BOC: variants seen among roughly 807,000 people sequenced by gnomAD.
The protein encoded by BOC is BOC cell adhesion associated, oncogene regulated, also known as brother of CDO.
BOC carries 76 observed loss-of-function variants against 112.0 expected under a neutral mutation model. That is an observed-to-expected ratio of 0.68 (90% CI 0.56 to 0.82). BOC has a LOEUF of 0.82. Ranked by LOEUF, BOC falls within the 40% of genes least tolerant of loss-of-function variation. The pLI, the probability that BOC is intolerant of heterozygous loss-of-function variation, is 0.00. For synonymous variants in BOC, 580 were observed against 599.8 expected (o/e 0.97, Z 0.48); for missense variants, 1,309 against 1,511.7 (o/e 0.87, Z 2.22).
chr3:113,243,474 T>C (rs1419644155), intron 2 of BOC, among the ~76,000 whole-genome samples: 2 of 152,240 alleles, frequency 1.3e-5, no homozygotes, highest in African/African-American at 4.8e-5. Flanking sequence ...TATTAAAATA[T>C]GGTTTCATTT....
chr3:113,280,966 T>C, intron 14 of BOC, 65 bp from the exon 15 acceptor site: 1 of 1,589,036 alleles, frequency 6.3e-7, no homozygotes, highest in East Asian at 2.2e-5. Flanking sequence ...AGTCTGACTA[T>C]GAGATTGGGA....
At chr3:113,248,696 T>C (rs1237782041) in intron 2 of BOC, among the ~76,000 whole-genome samples, 4 of 152,228 alleles carry the variant, frequency 2.6e-5, no homozygotes, top group African/African-American at 9.6e-5. Flanking sequence ...TGTTAGAATA[T>C]ACACTTGCCC....
chr3:113,264,205 G>A (rs112857553), intron 4 of BOC, among the ~76,000 whole-genome samples: 3 of 152,338 alleles, frequency 2.0e-5, no homozygotes, highest in African/African-American at 7.2e-5. Flanking sequence ...TGGGAGCTGA[G>A]AAACAAAAGT....
intron 4 of BOC, 33 bp from the exon 5 acceptor site, chr3:113,268,266 T>G: frequency 1.2e-6 from 2 of 1,612,988 alleles, no homozygotes; most frequent in Non-Finnish European, 1.7e-6. Context: ...TGCTCTGCTG[T>G]CCTCCAACCA....
rs551687029 is a variant in BOC, at chr3:113,268,183, T to C, written c.377-116T>C. ...AGGAAGAACTCGGAGGATCCCCTGATATCCCCCTAGGTGTGAGCTTTGTCA... is the reference window on the plus strand; with the variant it reads ...AGGAAGAACTCGGAGGATCCCCTGACATCCCCCTAGGTGTGAGCTTTGTCA... On this transcript the variant is annotated intron_variant, in intron 4 of 19. Coordinates refer to ENST00000682979, the MANE Select transcript of BOC (RefSeq NM_001378074.1). 1.6e-5 allele frequency: 24 copies of C among 1,456,200 alleles called. No homozygotes were observed. The African/African-American group carries it at 2.8e-4, about 17-fold the overall frequency. 90.2% of individuals were successfully genotyped at this position (1,456,200 alleles called of 1,614,324 possible). A position where few individuals can be genotyped will look rare whatever the true frequency, so the allele number is the denominator to read the frequency against.
intron 6 of BOC, 55 bp from the exon 7 acceptor site, chr3:113,272,355 C>G (rs1208431502): frequency 6.3e-7 from 1 of 1,580,580 alleles, no homozygotes; most frequent in African/African-American, 1.3e-5. Context: ...TGGGCATGCT[C>G]TACAGGACAT....
chr3:113,259,580 A>G (rs911785567), intron 4 of BOC, among the ~76,000 whole-genome samples: 6 of 152,168 alleles, frequency 3.9e-5, no homozygotes, highest in Non-Finnish European at 8.8e-5. Flanking sequence ...GTGTGTGTGG[A>G]AAAGTTGAGC....
chr3:113,251,354 T>G (rs1264945514), intron 4 of BOC: 1 of 177,154 alleles, frequency 5.6e-6, no homozygotes, highest in Non-Finnish European at 1.2e-5. Context: ...GCAAGCATAG[T>G]CCGAAGGCCT....
At chr3:113,233,450 A>C (rs1318347894) in intron 2 of BOC, among the ~76,000 whole-genome samples, 1 of 152,088 alleles carries the variant, frequency 6.6e-6, no homozygotes, top group East Asian at 1.9e-4. Context: ...CTAACAGAGG[A>C]AATCAAAATG....
In BOC at chr3:113,274,477, C is replaced by A; in HGVS notation, c.1337C>A (p.Pro446Gln). The A allele has an allele frequency of 6.2e-7, 1 of 1,611,418 alleles. No homozygotes were observed. Among genetic ancestry groups the A allele is most frequent in the Non-Finnish European group, 8.5e-7 (1 of 1,178,294 alleles). The change falls in exon 9 of 20, where the codon CCG becomes CAG. Residue 446 changes from proline to glutamine, a missense_variant. Transcript: ENST00000682979. The surrounding 1 kb of genome is among the most constrained non-coding windows in gnomAD (Gnocchi z 4.8). ...CCTGAGCAGATGCTGAGGGGGCAACCGGCGCTCCCCAGACCCCCAACGTCA... is the reference window on the plus strand; with the variant it reads ...CCTGAGCAGATGCTGAGGGGGCAACAGGCGCTCCCCAGACCCCCAACGTCA... ...GNPEQMLRGQ[P>Q]ALPRPPTSVG...
chr3:113,270,747 G>C, intron 5 of BOC, 54 bp from the exon 6 acceptor site: 1 of 1,541,514 alleles, frequency 6.5e-7, no homozygotes, highest in Non-Finnish European at 8.7e-7. Context: ...GGAAGCTGCA[G>C]AGTGAAGTAT....
At chr3:113,240,700 C>T (rs1944176414) in intron 2 of BOC, among the ~76,000 whole-genome samples, 1 of 152,150 alleles carries the variant, frequency 6.6e-6, no homozygotes, top group Non-Finnish European at 1.5e-5. Context: ...TAAAAACTAT[C>T]CTTTGAGGAA....
chr3:113,211,437 G>C (rs915350757), upstream of BOC: 1 of 148,342 alleles, frequency 6.7e-6, no homozygotes, highest in African/African-American at 2.5e-5. Context: ...CTTTTTCTTT[G>C]CTCCATTTTG....
chr3:113,233,313 T>C (rs927683292), intron 2 of BOC, among the ~76,000 whole-genome samples: 6 of 152,042 alleles, frequency 3.9e-5, no homozygotes, highest in Non-Finnish European at 5.9e-5. Context: ...GAGACCTATT[T>C]TGAGTCATGT....
intron 2 of BOC, among the ~76,000 whole-genome samples, chr3:113,243,966 C>T (rs1174245971): frequency 6.6e-6 from 1 of 152,174 alleles, no homozygotes; most frequent in East Asian, 1.9e-4. Context: ...CTAATTGCTT[C>T]GATCTTATAG....
chr3:113,229,712 T>A (rs11929678), intron 2 of BOC, among the ~76,000 whole-genome samples: 12,340 of 152,296 alleles, frequency 0.081, 570 homozygotes, highest in African/African-American at 0.13. Flanking sequence ...TTAATTTGTG[T>A]GAGAAAAAAT....
At chr3:113,259,992 A>T (rs1946643147) in intron 4 of BOC, among the ~76,000 whole-genome samples, 1 of 152,160 alleles carries the variant, frequency 6.6e-6, no homozygotes. Context: ...TATCTTCTCT[A>T]GGAATGTTTC....
At chr3:113,214,692 G>T (rs1029390847) in intron 1 of BOC, among the ~76,000 whole-genome samples, 29 of 152,176 alleles carry the variant, frequency 1.9e-4, no homozygotes, top group African/African-American at 6.3e-4. Flanking sequence ...CAGGAGAAAA[G>T]AATCGAAATT....
At position 113,278,675 on chromosome 3, in the gene BOC, C is replaced by T. The variant is rs763721866; in HGVS notation, c.1708C>T (p.Arg570Trp). 3.9e-5 allele frequency: 61 copies of T among 1,559,072 alleles called. No homozygotes were observed. Among genetic ancestry groups the T allele is most frequent in the Non-Finnish European group, 5.1e-5 (59 of 1,151,062 alleles). The part of the protein sequence containing the change: ...QTAMVTFRTG[R>W]RPKPEIMASK... ...GACTACAACCCATTTCCACCCAGGA[C>T]GGCGGCCCAAACCCGAGATCATGGC... The change falls in exon 11 of 20, where the codon CGG becomes TGG. Residue 570 changes from arginine (R) to tryptophan (W), a missense_variant and splice_region_variant. Physicochemically the swap from Arg to Trp is moderately radical, Grantham distance 101 (BLOSUM62 -3). Transcript: ENST00000682979. The surrounding 1 kb of genome is among the most constrained non-coding windows in gnomAD (Gnocchi z 4.2).
Sources: allele counts gnomAD v4.1 joint callset (sites outside exome capture counted in the v4.1 genomes callset), GRCh38; gene constraint gnomAD v4.1.1; non-coding constraint Gnocchi (gnomAD v3.1); transcripts MANE v1.5; gene names NCBI Gene and HGNC (gene_info 2026-07-23, HGNC 2026-07-21).